Variants in ZRANB3 observed in about 807,000 individuals in gnomAD.
ZRANB3 encodes DNA annealing helicase and endonuclease ZRANB3.
A neutral mutation model predicts 133.8 loss-of-function variants in ZRANB3; 125 were observed. The observed-to-expected ratio is 0.93, with a 90% CI of 0.81 to 1.08. The LOEUF is 1.08. Among genes scored for constraint, ZRANB3 ranks in the 50% least tolerant of loss-of-function variants. ZRANB3 has a pLI of 0.00. For synonymous variants in ZRANB3, 387 were observed against 432.7 expected, an observed-to-expected ratio of 0.89 and a Z score of 1.31; for missense variants, 1,229 against 1,275.5, an observed-to-expected ratio of 0.96 and a Z score of 0.56.
chr2:135,284,462 T>C (rs1681247687), intron 8 of ZRANB3, among the ~76,000 whole-genome samples: 1 of 152,118 alleles, frequency 6.6e-6, no homozygotes, highest in Admixed American at 6.5e-5. Flanking sequence ...TACCTTTCCT[T>C]GTTTGTTTTG....
At chr2:135,508,357 T>C (rs1693290229) in intron 1 of ZRANB3, among the ~76,000 whole-genome samples, 1 of 152,182 alleles carries the variant, frequency 6.6e-6, no homozygotes. Context: ...CAAGATGGTC[T>C]CAATCTCCTG....
intron 11 of ZRANB3, 90 bp downstream of exon 11, chr2:135,268,872 C>T (rs1680372802): frequency 3.1e-6 from 4 of 1,274,706 alleles, no homozygotes; most frequent in Non-Finnish European, 4.3e-6. Flanking sequence ...GTATCCTTTG[C>T]CTGAAAACAC....
chr2:135,408,073 C>T (rs925141937), intron 2 of ZRANB3, among the ~76,000 whole-genome samples: 2 of 151,640 alleles, frequency 1.3e-5, no homozygotes, highest in African/African-American at 2.4e-5. Flanking sequence ...GCAATCTACC[C>T]ATCTGACAAA....
intron 12 of ZRANB3, among the ~76,000 whole-genome samples, chr2:135,262,952 T>C (rs1056613095): frequency 6.6e-6 from 1 of 152,084 alleles, no homozygotes; most frequent in African/African-American, 2.4e-5. Context: ...GGATTTTACA[T>C]ATAGAAATGT....
chr2:135,339,110 A>C (rs1684509908), intron 6 of ZRANB3, among the ~76,000 whole-genome samples: 1 of 152,114 alleles, frequency 6.6e-6, no homozygotes, highest in African/African-American at 2.4e-5. Context: ...CCCCGTATCT[A>C]CAAAAAAAAA....
intron 2 of ZRANB3, among the ~76,000 whole-genome samples, chr2:135,441,591 A>G (rs1474943418): frequency 6.6e-6 from 1 of 152,034 alleles, no homozygotes; most frequent in Non-Finnish European, 1.5e-5. Context: ...AAGATTTAAA[A>G]TGAATAATTA....
chr2:135,386,700 G>T (rs1686992059), intron 3 of ZRANB3, among the ~76,000 whole-genome samples: 1 of 152,180 alleles, frequency 6.6e-6, no homozygotes, highest in East Asian at 1.9e-4. Context: ...CAGAGACATG[G>T]ATGAAGCTGG....
intron 6 of ZRANB3, among the ~76,000 whole-genome samples, chr2:135,337,884 TAAG>T (rs1684439129): frequency 1.3e-5 from 2 of 152,294 alleles, no homozygotes; most frequent in Non-Finnish European, 2.9e-5. Flanking sequence ...TCACTTAATA[TAAG>T]AAGAATCCCT....
intron 12 of ZRANB3, among the ~76,000 whole-genome samples, chr2:135,257,091 TA>T (rs1357092158): frequency 6.6e-6 from 1 of 152,204 alleles, no homozygotes; most frequent in African/African-American, 2.4e-5. Flanking sequence ...ATGACTAATC[TA>T]CCCCTTGTTT....
chr2:135,519,750 T>C (rs28529640), intron 1 of ZRANB3, among the ~76,000 whole-genome samples: 4,513 of 152,280 alleles, frequency 0.03, 212 homozygotes, highest in African/African-American at 0.1. Context: ...GCTCCAGATA[T>C]ATAATAGTAA....
At chr2:135,365,490 C>A (rs57744453) in intron 3 of ZRANB3, among the ~76,000 whole-genome samples, 6,761 of 152,180 alleles carry the variant, frequency 0.044, 502 homozygotes, top group African/African-American at 0.16. Context: ...AGAACAATAA[C>A]TTGCATCACT....
intron 13 of ZRANB3, among the ~76,000 whole-genome samples, chr2:135,228,673 C>T (rs1426638384): frequency 2.6e-5 from 4 of 151,412 alleles, no homozygotes; most frequent in South Asian, 2.1e-4. Context: ...GTGTGGGAGG[C>T]GAGAAAGAGA....
chr2:135,215,118 A>G (rs553907296), intron 17 of ZRANB3, among the ~76,000 whole-genome samples: 1 of 152,068 alleles, frequency 6.6e-6, no homozygotes, highest in African/African-American at 2.4e-5. Flanking sequence ...CAGTCTCGCT[A>G]TGTTGACCAG....
intron 7 of ZRANB3, among the ~76,000 whole-genome samples, chr2:135,314,488 T>C (rs1683160154): frequency 6.6e-6 from 1 of 152,174 alleles, no homozygotes. Context: ...CATTTTCAGA[T>C]TTGCAGAAAT....
At chr2:135,526,729 T>C (rs1039249796) in intron 1 of ZRANB3, among the ~76,000 whole-genome samples, 1 of 152,218 alleles carries the variant, frequency 6.6e-6, no homozygotes, top group Non-Finnish European at 1.5e-5. Flanking sequence ...TTTGTTTTCC[T>C]ACCTTCCTTC....
In ZRANB3 at chr2:135,459,465, T is replaced by C. The variant is rs552317938; in HGVS notation, c.161+44864A>G. Among the ~76,000 whole-genome samples the C allele has an allele frequency of 2.5e-3, 382 of 152,340 alleles. 2 individuals carry two copies. The highest frequency in any genetic ancestry group is 8.8e-3 in the African/African-American group (368 of 41,582). On this transcript the variant is annotated intron_variant, in intron 2 of 20. Coordinates refer to ENST00000264159, the MANE Select transcript of ZRANB3 (RefSeq NM_032143.4). ...GAGAAGAAAGAATATTACTATAATTTCCTCTTATTATAAATGTCCTATTAC... is the reference window on the plus strand; with the variant it reads ...GAGAAGAAAGAATATTACTATAATTCCCTCTTATTATAAATGTCCTATTAC...
At chr2:135,347,302 T>C (rs2104868811) in intron 5 of ZRANB3, among the ~76,000 whole-genome samples, 1 of 151,388 alleles carries the variant, frequency 6.6e-6, no homozygotes, top group Non-Finnish European at 1.5e-5. Flanking sequence ...CTCTTTTTTT[T>C]TTTTTTTTGA....
chr2:135,455,592 T>C (rs1180691517), intron 2 of ZRANB3, among the ~76,000 whole-genome samples: 1 of 143,942 alleles, frequency 6.9e-6, no homozygotes, highest in Non-Finnish European at 1.5e-5. Context: ...TTTTTTTCTT[T>C]TTTTTTTTTT....
At chr2:135,495,165 T>A (rs1325979166) in intron 2 of ZRANB3, among the ~76,000 whole-genome samples, 2 of 152,214 alleles carry the variant, frequency 1.3e-5, no homozygotes, top group African/African-American at 4.8e-5. Context: ...GAATACGAGG[T>A]TACAGTGAGC....
Sources: gnomAD v4.1 joint callset for allele counts (sites outside exome capture counted in the v4.1 genomes callset) on GRCh38, gnomAD v4.1.1 for gene constraint, MANE v1.5 for transcripts, NCBI Gene and HGNC (gene_info 2026-07-23, HGNC 2026-07-21) for gene names.